The following SND1 variants were observed in gnomAD, a reference collection of about 807,000 sequenced individuals.
SND1 encodes staphylococcal nuclease and tudor domain containing 1, also known as staphylococcal nuclease domain-containing protein 1.
Under a neutral mutation model 121.7 loss-of-function variants are expected in SND1, and 38 were observed. The ratio of observed to expected loss-of-function variants is 0.31; its 90% CI spans 0.24 to 0.41. The LOEUF is 0.41. SND1 is among the 10% of genes least tolerant of loss of function. The pLI is 1.00. For synonymous variants in SND1, 401 were observed against 447.4 expected (o/e 0.90, Z 1.31); for missense variants, 868 against 1,184.6 (o/e 0.73, Z 3.92).
intron 10 of SND1, among the ~76,000 whole-genome samples, chr7:127,745,680 A>C (rs564274061): frequency 4.6e-5 from 7 of 152,310 alleles, no homozygotes. Context: ...GACTGGTACA[A>C]GCTTCCTGCT....
intron 16 of SND1, among the ~76,000 whole-genome samples, chr7:128,034,198 G>A (rs1451012216): frequency 2.0e-5 from 3 of 152,182 alleles, no homozygotes; most frequent in Non-Finnish European, 4.4e-5. Flanking sequence ...AAGTGGAGGG[G>A]GGAGGAGAGA....
At chr7:127,769,561 T>C (rs1797478639) in intron 10 of SND1, among the ~76,000 whole-genome samples, 1 of 152,240 alleles carries the variant, frequency 6.6e-6, no homozygotes, top group Non-Finnish European at 1.5e-5. Flanking sequence ...CTGTTACTTA[T>C]GTTTTGACCA....
intron 16 of SND1, chr7:127,998,062 T>C (rs1802720034): frequency 2.0e-6 from 1 of 501,418 alleles, no homozygotes; most frequent in South Asian, 1.5e-5. Flanking sequence ...CCATGTTTTG[T>C]CTTTGTACTC....
intron 10 of SND1, among the ~76,000 whole-genome samples, chr7:127,805,176 C>T (rs1272271795): frequency 6.6e-6 from 1 of 152,262 alleles, no homozygotes; most frequent in East Asian, 1.9e-4. Context: ...CCAGGATTCC[C>T]CTAACCCAGG....
In SND1 at chr7:127,701,291, TTG is replaced by T. The variant is rs1796095839; in HGVS notation, c.560_561del (p.Val187GlyfsTer9). The T allele has an allele frequency of 6.2e-7, 1 of 1,613,896 alleles. No homozygotes were observed. The highest frequency in any genetic ancestry group is 1.1e-5 in the South Asian group (1 of 91,078). ...TATACCATTGAAAACCCAAGGCACT[TTG>T]TGGACTCACACCACCAGAAGCCTGT... is the stretch of plus-strand genomic sequence containing the variant. On this transcript the variant is annotated frameshift_variant, in exon 5 of 24. Transcript: ENST00000354725. LOFTEE classifies it high-confidence loss of function.
intron 10 of SND1, among the ~76,000 whole-genome samples, chr7:127,732,391 G>T (rs1368222176): frequency 6.6e-6 from 1 of 152,180 alleles, no homozygotes; most frequent in Non-Finnish European, 1.5e-5. Context: ...AACACAATTT[G>T]GTCGTTCTAT....
At chr7:127,912,714 T>C (rs1365053640) in intron 14 of SND1, among the ~76,000 whole-genome samples, 2 of 152,170 alleles carry the variant, frequency 1.3e-5, no homozygotes, top group Admixed American at 6.5e-5. Context: ...CTTTACCTTA[T>C]TGAAAATTAT....
chr7:127,762,457 T>C (rs1013632964), intron 10 of SND1, among the ~76,000 whole-genome samples: 2 of 152,218 alleles, frequency 1.3e-5, no homozygotes, highest in East Asian at 3.8e-4. Context: ...TCTCCCCTTA[T>C]GGGAGCACCA....
At chr7:127,661,632 T>C (rs1330286343) in intron 1 of SND1, among the ~76,000 whole-genome samples, 1 of 152,180 alleles carries the variant, frequency 6.6e-6, no homozygotes, top group Non-Finnish European at 1.5e-5. Flanking sequence ...GAAGTCCTTA[T>C]GATTAGGGGT....
chr7:127,931,895 G>A lies in SND1; in HGVS notation c.1669+2566G>A, dbSNP rs899953167. On this transcript the variant is annotated intron_variant, in intron 15 of 23. Coordinates refer to ENST00000354725, the MANE Select transcript of SND1 (RefSeq NM_014390.4). ...GCCCTTTGTTGAGACCTACTGCTCA[G>A]AAAAAAAAAGATTTTTTTGCAAAAT... Among the ~76,000 whole-genome samples, 4 of 151,044 alleles carry A rather than the reference G, an allele frequency of 2.6e-5. No individual in the cohort carries two copies. The East Asian group carries it at 7.8e-4, about 29-fold the overall frequency.
At chr7:127,679,507 A>G (rs1351710942) in intron 1 of SND1, among the ~76,000 whole-genome samples, 1 of 152,140 alleles carries the variant, frequency 6.6e-6, no homozygotes, top group Non-Finnish European at 1.5e-5. Context: ...GTGGCTTTTT[A>G]CTACAATCAT....
chr7:127,728,891 C>T (rs551587788), intron 10 of SND1, among the ~76,000 whole-genome samples: 23 of 152,236 alleles, frequency 1.5e-4, no homozygotes, highest in Non-Finnish European at 2.6e-4. Context: ...TAACTATCTC[C>T]GGAGGGAGGT....
intron 1 of SND1, among the ~76,000 whole-genome samples, chr7:127,683,079 A>G (rs548704690): frequency 9.2e-5 from 14 of 152,336 alleles, no homozygotes; most frequent in African/African-American, 3.1e-4. Flanking sequence ...ACTGTTAGCT[A>G]TAAGAAGGCC....
intron 9 of SND1, among the ~76,000 whole-genome samples, chr7:127,709,186 C>T (rs925492432): frequency 1.6e-4 from 25 of 152,190 alleles, no homozygotes; most frequent in Non-Finnish European, 2.9e-4. Flanking sequence ...CTTTGTGAGG[C>T]GTGTACGTGT....
At chr7:127,925,601 G>A (rs1041843944) in intron 14 of SND1, among the ~76,000 whole-genome samples, 22 of 150,946 alleles carry the variant, frequency 1.5e-4, no homozygotes, top group African/African-American at 5.1e-4. Flanking sequence ...ATGGTTGTGG[G>A]TGTTTCTTTT....
chr7:127,907,086 G>T (rs1800356231), intron 14 of SND1, among the ~76,000 whole-genome samples: 1 of 152,192 alleles, frequency 6.6e-6, no homozygotes, highest in Non-Finnish European at 1.5e-5. Context: ...AGTAAAGCTT[G>T]AGCAAGTGGG....
intron 12 of SND1, among the ~76,000 whole-genome samples, chr7:127,886,487 G>A (rs1042364595): frequency 3.9e-5 from 6 of 151,908 alleles, no homozygotes; most frequent in South Asian, 2.1e-4. Context: ...CATATGGCAC[G>A]GTAGCCTATT....
At chr7:127,951,525 A>G (rs1336995651) in intron 15 of SND1, among the ~76,000 whole-genome samples, 1 of 152,212 alleles carries the variant, frequency 6.6e-6, no homozygotes, top group Non-Finnish European at 1.5e-5. Context: ...CTATTGTAAG[A>G]GTACTTTATT....
At chr7:127,691,595 AAAAT>A (rs1795916928) in intron 2 of SND1, among the ~76,000 whole-genome samples, 1 of 151,966 alleles carries the variant, frequency 6.6e-6, no homozygotes, top group Non-Finnish European at 1.5e-5. Flanking sequence ...AAAAAATAAA[AAAAT>A]AAATATTTTG....
Sources: gnomAD v4.1 joint callset for allele counts (sites outside exome capture counted in the v4.1 genomes callset) on GRCh38, gnomAD v4.1.1 for gene constraint, MANE v1.5 for transcripts, NCBI Gene and HGNC (gene_info 2026-07-23, HGNC 2026-07-21) for gene names.